The following NELL1 variants were observed in gnomAD, a reference collection of about 807,000 sequenced individuals.
NELL1 encodes protein kinase C-binding protein NELL1.
NELL1 carries 76 observed loss-of-function variants against 107.4 expected under a neutral mutation model. That is an observed-to-expected ratio of 0.71 (90% confidence interval 0.59 to 0.86). The LOEUF (loss-of-function observed/expected upper bound fraction) is 0.86, where lower values mean the gene tolerates loss of function less well. NELL1 is among the 40% of genes least tolerant of loss of function. The pLI is 0.00. For synonymous variants in NELL1, 353 were observed against 341.2 expected (o/e 1.03, Z -0.38); for missense variants, 1,024 against 1,005.5 (o/e 1.02, Z -0.25).
chr11:20,753,326 T>A (rs1382370262), intron 2 of NELL1, among the ~76,000 whole-genome samples: 2 of 152,220 alleles, frequency 1.3e-5, no homozygotes, highest in South Asian at 2.1e-4. Context: ...GATCTTAATA[T>A]CTCTTCTTGG....
At chr11:21,107,310 A>G (rs564848699) in intron 12 of NELL1, among the ~76,000 whole-genome samples, 1 of 149,672 alleles carries the variant, frequency 6.7e-6, no homozygotes, top group Non-Finnish European at 1.5e-5. Flanking sequence ...TTCAAATCAG[A>G]GATAATAGGC....
chr11:21,071,154 T>C (rs1175341391), intron 12 of NELL1, among the ~76,000 whole-genome samples: 7 of 152,254 alleles, frequency 4.6e-5, no homozygotes, highest in Non-Finnish European at 2.9e-5. Context: ...TTGGGCAAAT[T>C]TGGGGCCTCA....
chr11:21,557,634 C>T lies in NELL1; in HGVS notation c.1787-2555C>T, dbSNP rs141975828. Among the ~76,000 whole-genome samples, 59 of 152,008 alleles carry T rather than the reference C, an allele frequency of 3.9e-4. No individual in the cohort carries two copies. In the East Asian group the frequency reaches 0.011, roughly 29 times the overall value. On this transcript the variant is annotated intron_variant, in intron 16 of 19. Transcript: ENST00000357134. ...GTTTTTTCCTGGGGAAGGGGCAGGG[C>T]ATTGCCCCTTCTTCAATGTGGTTGC... is the stretch of plus-strand genomic sequence containing the variant.
intron 4 of NELL1, among the ~76,000 whole-genome samples, chr11:20,875,042 G>A (rs1272037915): frequency 2.6e-5 from 4 of 152,132 alleles, no homozygotes; most frequent in African/African-American, 9.7e-5. Context: ...AGAACTAAAT[G>A]CGATTATCTC....
At chr11:21,505,571 A>T (rs1486598785) in intron 15 of NELL1, among the ~76,000 whole-genome samples, 1 of 152,106 alleles carries the variant, frequency 6.6e-6, no homozygotes, top group Non-Finnish European at 1.5e-5. Flanking sequence ...TGTTTCCTGA[A>T]CACTGTATTT....
At chr11:21,458,847 A>C (rs999978295) in intron 15 of NELL1, among the ~76,000 whole-genome samples, 1 of 152,160 alleles carries the variant, frequency 6.6e-6, no homozygotes, top group Non-Finnish European at 1.5e-5. Context: ...AAAGGAATGA[A>C]GAGAATTTTT....
chr11:21,057,717 T>A (rs940190505), intron 12 of NELL1, among the ~76,000 whole-genome samples: 1 of 151,930 alleles, frequency 6.6e-6, no homozygotes, highest in African/African-American at 2.4e-5. Context: ...ATTCCTATTT[T>A]AAAAAATTAT....
rs1174777623 is a variant in NELL1, at chr11:20,960,031, G to A, written c.1172-401G>A. ...GATTCATTGGGGAGGTACAATTAAG[G>A]AGTTTTGATAATCTGGTTGTATTCA... On this transcript the variant is annotated intron_variant, in intron 11 of 19. Transcript: ENST00000357134. Among the ~76,000 whole-genome samples the A allele has an allele frequency of 2.0e-5, 3 of 151,990 alleles. No homozygotes were observed. The East Asian group carries it at 5.8e-4, about 29-fold the overall frequency.
chr11:20,725,797 G>T (rs763950812), intron 2 of NELL1, among the ~76,000 whole-genome samples: 11 of 152,118 alleles, frequency 7.2e-5, no homozygotes. Flanking sequence ...GTGCAGGTTT[G>T]TTACCTAGGT....
At chr11:20,764,284 A>G (rs932088755) in intron 2 of NELL1, among the ~76,000 whole-genome samples, 1 of 152,236 alleles carries the variant, frequency 6.6e-6, no homozygotes, top group African/African-American at 2.4e-5. Context: ...AATAAATTAC[A>G]TATGTGTTAC....
intron 13 of NELL1, among the ~76,000 whole-genome samples, chr11:21,168,861 G>A (rs1426694275): frequency 2.0e-5 from 3 of 151,848 alleles, no homozygotes; most frequent in Non-Finnish European, 2.9e-5. Context: ...AGAAGATTTT[G>A]TGAGATCAGG....
chr11:21,273,015 T>C (rs148285167), intron 14 of NELL1, among the ~76,000 whole-genome samples: 2,400 of 152,266 alleles, frequency 0.016, 78 homozygotes, highest in African/African-American at 0.055. Flanking sequence ...TCCAAAGGAA[T>C]GCAGCTCCTC....
At chr11:20,846,374 G>A (rs1544972) in intron 3 of NELL1, among the ~76,000 whole-genome samples, 51,093 of 152,026 alleles carry the variant, frequency 0.34, 9,952 homozygotes, top group African/African-American at 0.54. Context: ...CATAGAAGAT[G>A]CATTTTGTCT....
At chr11:21,534,110 A>T (rs1856068064) in intron 15 of NELL1, among the ~76,000 whole-genome samples, 1 of 152,206 alleles carries the variant, frequency 6.6e-6, no homozygotes, top group African/African-American at 2.4e-5. Context: ...TTATTCAGAG[A>T]CAACACAGCT....
At chr11:20,767,747 C>T (rs1856561641) in intron 2 of NELL1, among the ~76,000 whole-genome samples, 1 of 152,156 alleles carries the variant, frequency 6.6e-6, no homozygotes, top group African/African-American at 2.4e-5. Flanking sequence ...TTCATTCATT[C>T]ATGCACTCAA....
intron 12 of NELL1, among the ~76,000 whole-genome samples, chr11:20,986,075 G>C (rs905744890): frequency 1.3e-5 from 2 of 152,034 alleles, no homozygotes; most frequent in Admixed American, 6.5e-5. Flanking sequence ...TTGGCTCACA[G>C]GCACTTTGGA....
intron 13 of NELL1, among the ~76,000 whole-genome samples, chr11:21,195,703 C>T (rs900490648): frequency 1.3e-5 from 2 of 151,698 alleles, no homozygotes; most frequent in Non-Finnish European, 2.9e-5. Flanking sequence ...CTTTTTGGAA[C>T]TAAGTCTTTG....
chr11:21,340,998 A>G (rs1850551563), intron 14 of NELL1, among the ~76,000 whole-genome samples: 1 of 152,164 alleles, frequency 6.6e-6, no homozygotes, highest in South Asian at 2.1e-4. Flanking sequence ...TGACAACTCC[A>G]TCTCTGCCCC....
At chr11:21,511,868 A>G (rs1252904136) in intron 15 of NELL1, among the ~76,000 whole-genome samples, 1 of 152,202 alleles carries the variant, frequency 6.6e-6, no homozygotes, top group African/African-American at 2.4e-5. Context: ...AGCTCCTACT[A>G]AAATCTAAAC....
Sources: gnomAD v4.1 joint callset for allele counts (sites outside exome capture counted in the v4.1 genomes callset) on GRCh38, gnomAD v4.1.1 for gene constraint, MANE v1.5 for transcripts, NCBI Gene and HGNC (gene_info 2026-07-23, HGNC 2026-07-21) for gene names.